Variants in RNASEH1 observed in about 807,000 individuals in gnomAD.
The protein encoded by RNASEH1 is ribonuclease H1.
A neutral mutation model predicts 34.6 loss-of-function variants in RNASEH1; 27 were observed. The ratio of observed to expected loss-of-function variants is 0.78; its 90% CI spans 0.58 to 1.08. The LOEUF is 1.08. RNASEH1 is among the 50% of genes least tolerant of loss of function. The probability of loss-of-function intolerance (pLI) is 0.00; values close to 1 mark genes in which losing one functional copy is unlikely to be tolerated. For missense variants in RNASEH1, 349 were observed against 373.6 expected (o/e 0.93, Z 0.54); for synonymous variants, 162 against 138.4 (o/e 1.17, Z -1.20).
rs768697676 is a variant in RNASEH1, at chr2:3,558,151, G to C, written c.110C>G (p.Thr37Ser). The C allele has an allele frequency of 4.0e-5, 64 of 1,601,340 alleles. No individual in the cohort carries two copies. Among genetic ancestry groups the C allele is most frequent in the Middle Eastern group, 1.7e-4 (1 of 6,058 alleles). The change falls in exon 1 of 8, where the codon ACC becomes AGC. Residue 37 changes from threonine (T) to serine (S), a missense_variant. By Grantham distance (58) the Thr-to-Ser change is moderately conservative. Transcript: ENST00000315212. ...CACTCACCAGGTCAGAAAGACCCCG[G>C]TCTTGCGGCCCCTCCTCACGGCATA... Reference protein sequence around the residue: ...MFYAVRRGRKTGVFLTWNECR... With the variant: ...MFYAVRRGRKSGVFLTWNECR...
At position 3,543,598 on chromosome 2, in the gene RNASEH1, G is replaced by A. The variant is rs1668476630; in HGVS notation, c.*2187C>T. 2.6e-5 allele frequency among the ~76,000 whole-genome samples: 4 copies of A among 151,996 alleles called. No individual in the cohort carries two copies. Among genetic ancestry groups the A allele is most frequent in the Admixed American group, 2.6e-4 (4 of 15,246 alleles). ...ATCACAACGGATTGAAACCCACCAA[G>A]TATGCTTAACTCCACAAATTCTTTT... On this transcript the variant is annotated 3_prime_UTR_variant, in exon 8 of 8. Coordinates refer to ENST00000315212, the MANE Select transcript of RNASEH1 (RefSeq NM_002936.6).
chr2:3,549,860 G>T (rs1174418172), intron 4 of RNASEH1, among the ~76,000 whole-genome samples: 1 of 151,834 alleles, frequency 6.6e-6, no homozygotes, highest in Non-Finnish European at 1.5e-5. Flanking sequence ...GAAGGAGAAT[G>T]GCGTGAACCT....
rs974855610 is a variant in RNASEH1, at chr2:3,542,245, C to T, written c.*3540G>A. Among the ~76,000 whole-genome samples, 1 of 152,146 alleles carries T rather than the reference C, an allele frequency of 6.6e-6. No homozygotes were observed. The highest frequency in any genetic ancestry group is 2.4e-5 in the African/African-American group (1 of 41,424). On this transcript the variant is annotated 3_prime_UTR_variant, in exon 8 of 8. Transcript: ENST00000315212. ...ACACATAGAAAGAGCACACCATACGCTTGCAAATATGGACCAGGACAACCA... is the reference window on the plus strand; with the variant it reads ...ACACATAGAAAGAGCACACCATACGTTTGCAAATATGGACCAGGACAACCA...
intron 3 of RNASEH1, 26 bp from the exon 4 acceptor site, chr2:3,550,498 C>T: frequency 6.4e-7 from 1 of 1,560,256 alleles, no homozygotes; most frequent in Non-Finnish European, 8.8e-7. Flanking sequence ...GTACATGCTG[C>T]TGGGCTGACC....
At position 3,552,266 on chromosome 2, in the gene RNASEH1, C is replaced by G. The variant is rs200628824; in HGVS notation, c.287G>C (p.Ser96Thr). 5 of 1,613,782 alleles carry G rather than the reference C, an allele frequency of 3.1e-6. No individual in the cohort carries two copies. The highest frequency in any genetic ancestry group is 4.2e-6 in the Non-Finnish European group (5 of 1,179,846). Reference protein sequence around the residue: ...QHGQESEAKASKRLREPLDGD... With the variant: ...QHGQESEAKATKRLREPLDGD... ...ATCCAGTGGCTCACGGAGTCGCTTG[C>G]TGGCTTTCGCCTCCGATTCTTGTCC... Residue 96 changes from serine (S) to threonine (T), a missense_variant, in exon 3 of 8, where the codon AGC becomes ACC. Physicochemically the swap from Ser to Thr is moderately conservative, Grantham distance 58 (BLOSUM62 1). This residue lies in a region of RNASEH1 where 256 missense variants were observed against 240.7 expected (regional missense o/e 1.06). Coordinates refer to ENST00000315212, the MANE Select transcript of RNASEH1 (RefSeq NM_002936.6).
At position 3,543,235 on chromosome 2, in the gene RNASEH1, TATAA is replaced by T. The variant is rs1436457655; in HGVS notation, c.*2546_*2549del. On this transcript the variant is annotated 3_prime_UTR_variant, in exon 8 of 8. Coordinates refer to ENST00000315212, the MANE Select transcript of RNASEH1 (RefSeq NM_002936.6). ...ACATGTGTCTTTCCCTTCCTGTGGC[TATAA>T]ATAAATACAGCCTGCACACAACGCA... 2.0e-5 allele frequency among the ~76,000 whole-genome samples: 3 copies of T among 152,226 alleles called. No homozygotes were observed. Among genetic ancestry groups the T allele is most frequent in the African/African-American group, 4.8e-5 (2 of 41,464 alleles).
intron 2 of RNASEH1, among the ~76,000 whole-genome samples, chr2:3,553,828 C>G (rs1161220437): frequency 6.6e-6 from 1 of 152,134 alleles, no homozygotes; most frequent in Non-Finnish European, 1.5e-5. Flanking sequence ...TGTGCTATAC[C>G]TTTTATCAGC....
rs1454029232 is a variant in RNASEH1, at chr2:3,541,947, G to A, written c.*3838C>T. ...GAAGGAGGATCGCTTGAGGCCAGGA[G>A]TTTAAGACCAGCCTGGGCAACACAG... On this transcript the variant is annotated 3_prime_UTR_variant, in exon 8 of 8. Coordinates refer to ENST00000315212, the MANE Select transcript of RNASEH1 (RefSeq NM_002936.6). 2.0e-5 allele frequency among the ~76,000 whole-genome samples: 3 copies of A among 152,156 alleles called. No individual in the cohort carries two copies. The East Asian group carries it at 5.8e-4, about 29-fold the overall frequency.
At chr2:3,538,819 T>C (rs1306622520), downstream of RNASEH1, among the ~76,000 whole-genome samples, 1 of 152,220 alleles carries the variant, frequency 6.6e-6, no homozygotes, top group African/African-American at 2.4e-5. Flanking sequence ...CTGTCTGGTG[T>C]TGAGTGGTGC....
chr2:3,554,970 T>A lies in RNASEH1; in HGVS notation c.244+1819A>T, dbSNP rs116518136. ...GTGGTATCGTATAGGCCGAGTGAAC[T>A]ATGGGAAGAATTTATAGTTTAAAGC... On this transcript the variant is annotated intron_variant, in intron 2 of 7. Coordinates refer to ENST00000315212, the MANE Select transcript of RNASEH1 (RefSeq NM_002936.6). Among the ~76,000 whole-genome samples, 503 of 152,298 alleles carry A rather than the reference T, an allele frequency of 3.3e-3. 4 individuals are homozygous for A. The highest frequency in any genetic ancestry group is 0.012 in the African/African-American group (481 of 41,558).
chr2:3,532,332 G>C, the RNASEH1 span: 1 of 702,294 alleles, frequency 1.4e-6, no homozygotes, highest in South Asian at 1.5e-5. Flanking sequence ...AGAAATAATG[G>C]GTACAAAGCG....
rs78943846 is a variant in RNASEH1 at position 3,543,687 on chromosome 2, C to T, written c.*2098G>A. 0.031 allele frequency among the ~76,000 whole-genome samples: 4,700 copies of T among 152,058 alleles called. 101 individuals are homozygous for T. Among genetic ancestry groups the T allele is most frequent in the South Asian group, 0.061 (291 of 4,806 alleles). On this transcript the variant is annotated 3_prime_UTR_variant, in exon 8 of 8. Transcript: ENST00000315212. ...AATGTGGTGGCATGGTCACAGCTCA[C>T]GCATCCTCGACCTCCTGGGCCCAAG...
intron 3 of RNASEH1, among the ~76,000 whole-genome samples, chr2:3,550,898 G>C (rs1474063201): frequency 6.6e-6 from 1 of 152,224 alleles, no homozygotes; most frequent in Non-Finnish European, 1.5e-5. Context: ...CCTGACCAGT[G>C]CTGGTCTAAT....
At chr2:3,552,030 G>T (rs1294863529) in intron 3 of RNASEH1, 114 bp downstream of exon 3, 1 of 763,202 alleles carries the variant, frequency 1.3e-6, no homozygotes, top group Non-Finnish European at 2.1e-6. Flanking sequence ...TTACACATAA[G>T]AATGAAGATG....
At chr2:3,539,089 T>C (rs1326414086), downstream of RNASEH1, among the ~76,000 whole-genome samples, 4 of 152,200 alleles carry the variant, frequency 2.6e-5, no homozygotes. Context: ...AAATTAGTCC[T>C]TTGTGATATG....
chr2:3,534,739 G>A, the RNASEH1 span, among the ~76,000 whole-genome samples: 9 of 152,240 alleles, frequency 5.9e-5, no homozygotes, highest in African/African-American at 1.4e-4. Flanking sequence ...AGGCAGGGGC[G>A]CCAGCGGCCA....
At chr2:3,553,247 CAA>C (rs997242631) in intron 2 of RNASEH1, among the ~76,000 whole-genome samples, 6 of 135,406 alleles carry the variant, frequency 4.4e-5, no homozygotes, top group Admixed American at 7.4e-5. Flanking sequence ...GACTCTGTCT[CAA>C]AAAAAAAAAG....
chr2:3,534,662 C>T, the RNASEH1 span, among the ~76,000 whole-genome samples: 10 of 152,240 alleles, frequency 6.6e-5, no homozygotes, highest in South Asian at 2.1e-4. Flanking sequence ...GGGTGCAAGC[C>T]GAGCACAGCC....
In RNASEH1 at chr2:3,545,757, G is replaced by C; in HGVS notation, c.*28C>G. Reference sequence around the variant, plus strand: ...GGCAGCAAGACAGCCGCTGGCTCAAGTTCTCCCAAGGACTAAAGTCACATG... The same window carrying C: ...GGCAGCAAGACAGCCGCTGGCTCAACTTCTCCCAAGGACTAAAGTCACATG... On this transcript the variant is annotated 3_prime_UTR_variant, in exon 8 of 8. Coordinates refer to ENST00000315212, the MANE Select transcript of RNASEH1 (RefSeq NM_002936.6). 1.3e-6 allele frequency: 2 copies of C among 1,539,200 alleles called. No homozygotes were observed. The highest frequency in any genetic ancestry group is 2.2e-5 in the South Asian group (2 of 89,664).
Sources: allele counts gnomAD v4.1 joint callset (sites outside exome capture counted in the v4.1 genomes callset), GRCh38; gene constraint gnomAD v4.1.1; regional missense constraint gnomAD v4.1.1; transcripts MANE v1.5; gene names NCBI Gene and HGNC (gene_info 2026-07-23, HGNC 2026-07-21).